The following RINT1 variants were observed in gnomAD, a reference collection of about 807,000 sequenced individuals.
RINT1 encodes RAD50-interacting protein 1.
Under a neutral mutation model 97.7 loss-of-function variants are expected in RINT1, and 75 were observed. The ratio of observed to expected loss-of-function variants is 0.77; its 90% CI spans 0.64 to 0.93. RINT1 has a LOEUF of 0.93. Among genes scored for constraint, RINT1 ranks in the 40% least tolerant of loss-of-function variants. RINT1 has a pLI of 0.00. For missense variants in RINT1, 892 were observed against 925.2 expected (o/e 0.96, Z 0.47); for synonymous variants, 303 against 326.3 (o/e 0.93, Z 0.77).
rs1315579586 is a variant in RINT1 at position 105,550,411 on chromosome 7, G to C, written c.1258G>C (p.Gly420Arg). ...GCTACACAGTGTTCATGGCTATCCTGGCACTTTTGCTAGTTGTATGCATAT... is the reference window on the plus strand; with the variant it reads ...GCTACACAGTGTTCATGGCTATCCTCGCACTTTTGCTAGTTGTATGCATAT... ...RELHSVHGYP[G>R]TFASCMHILS... The change falls in exon 9 of 15, where the codon GGC becomes CGC. Residue 420 changes from glycine (G) to arginine (R), a missense_variant. By Grantham distance (125) the Gly-to-Arg change is moderately radical. Coordinates refer to ENST00000257700, the MANE Select transcript of RINT1 (RefSeq NM_021930.6). The C allele has an allele frequency of 6.2e-7, 1 of 1,614,074 alleles. No individual in the cohort carries two copies. The highest frequency in any genetic ancestry group is 8.5e-7 in the Non-Finnish European group (1 of 1,180,002).
intron 3 of RINT1, among the ~76,000 whole-genome samples, chr7:105,537,741 C>T (rs1178405880): frequency 6.6e-6 from 1 of 151,438 alleles, no homozygotes; most frequent in Non-Finnish European, 1.5e-5. Flanking sequence ...GAGGCTGAGG[C>T]AGGAGAATCG....
chr7:105,548,229 G>A (rs1721497), intron 6 of RINT1, among the ~76,000 whole-genome samples: 148,596 of 152,150 alleles, frequency 0.98, 72,641 homozygotes, highest in East Asian at 1. Flanking sequence ...GGGTTTTGCC[G>A]TATTGCCTAG....
chr7:105,538,452 A>T (rs1006441859), intron 3 of RINT1, among the ~76,000 whole-genome samples: 7 of 152,164 alleles, frequency 4.6e-5, no homozygotes, highest in African/African-American at 1.7e-4. Context: ...CTTCAAGTTT[A>T]GCCTGGCTTT....
Position 105,550,421 on chromosome 7 carries a change from C to T in RINT1, c.1268C>T (p.Ala423Val), listed in dbSNP as rs2133402416. Residue 423 changes from alanine (A) to valine (V), a missense_variant, in exon 9 of 15, where the codon GCT (alanine) becomes GTT (valine). Transcript: ENST00000257700. Reference sequence around the variant, plus strand: ...GTTCATGGCTATCCTGGCACTTTTGCTAGTTGTATGCATATTCTATCAGAG... The same window carrying T: ...GTTCATGGCTATCCTGGCACTTTTGTTAGTTGTATGCATATTCTATCAGAG... ...HSVHGYPGTF[A>V]SCMHILSEET... The T allele has an allele frequency of 9.9e-6, 16 of 1,613,996 alleles. No individual in the cohort carries two copies. The highest frequency in any genetic ancestry group is 1.4e-5 in the Non-Finnish European group (16 of 1,179,996).
chr7:105,545,050 G>A (rs1790603231), intron 4 of RINT1, among the ~76,000 whole-genome samples: 1 of 151,848 alleles, frequency 6.6e-6, no homozygotes, highest in African/African-American at 2.4e-5. Context: ...GGATACTATA[G>A]TATAGCACTA....
intron 10 of RINT1, among the ~76,000 whole-genome samples, chr7:105,552,666 CT>C (rs386410906): frequency 4.4e-4 from 35 of 80,034 alleles, no homozygotes; most frequent in East Asian, 1.8e-3. Flanking sequence ...TAAATAATTC[CT>C]TTTTTTTTTT....
chr7:105,545,451 A>T lies in RINT1; in HGVS notation c.516-1459A>T, dbSNP rs1004661182. Among the ~76,000 whole-genome samples the T allele has an allele frequency of 2.0e-3, 248 of 125,412 alleles. 1 individual carries two copies. Among genetic ancestry groups the T allele is most frequent in the Non-Finnish European group, 2.3e-3 (148 of 63,210 alleles). 82.3% of individuals were successfully genotyped at this position (125,412 alleles called of 152,430 possible). A position where few individuals can be genotyped will look rare whatever the true frequency, so the allele number is the denominator to read the frequency against. On this transcript the variant is annotated intron_variant, in intron 4 of 14. Transcript: ENST00000257700. ...CTAGGTGACAGAGTGAGACTCTTTTAAAAAAAAAAAAAAGGCAGTACTCAT... is the reference window on the plus strand; with the variant it reads ...CTAGGTGACAGAGTGAGACTCTTTTTAAAAAAAAAAAAAGGCAGTACTCAT...
At chr7:105,541,043 T>C (rs190352167) in intron 3 of RINT1, among the ~76,000 whole-genome samples, 15 of 151,870 alleles carry the variant, frequency 9.9e-5, no homozygotes, top group African/African-American at 3.1e-4. Context: ...TTTTGCCATC[T>C]TGGCCAGGCT....
At position 105,532,842 on chromosome 7, in the gene RINT1, G is replaced by A. The variant is rs758536777; in HGVS notation, c.61G>A (p.Asp21Asn). 15 of 1,614,038 alleles carry A rather than the reference G, an allele frequency of 9.3e-6. No homozygotes were observed. The highest frequency in any genetic ancestry group is 1.2e-5 in the Non-Finnish European group (14 of 1,180,034). ...CTTCTAGTGCTGCTCTGAAAGTGGT[G>A]ACGAAAGGAAGAACCTCGAGGAGAA... ...PAAPCCSESG[D>N]ERKNLEEKSD... Residue 21 changes from aspartate to asparagine, a missense_variant, in exon 2 of 15, where the codon GAC becomes AAC. Physicochemically the swap from Asp to Asn is conservative, Grantham distance 23. Coordinates refer to ENST00000257700, the MANE Select transcript of RINT1 (RefSeq NM_021930.6).
rs183544087 is a variant in RINT1, at chr7:105,560,328, C to T, written c.1672-3405C>T. On this transcript the variant is annotated intron_variant, in intron 11 of 14. Coordinates refer to ENST00000257700, the MANE Select transcript of RINT1 (RefSeq NM_021930.6). ...TGGCACCAAAGGATAGGGCTGACAC[C>T]ACCTAAGTTGTCTCAGATTGGGGAA... is the stretch of plus-strand genomic sequence containing the variant. 1.8e-4 allele frequency among the ~76,000 whole-genome samples: 27 copies of T among 152,218 alleles called. 1 individual carries two copies. In the East Asian group the frequency reaches 4.4e-3, roughly 25 times the overall value.
At position 105,550,124 on chromosome 7, in the gene RINT1, C is replaced by A; in HGVS notation, c.1066C>A (p.Gln356Lys). The A allele has an allele frequency of 6.2e-7, 1 of 1,613,834 alleles. No homozygotes were observed. The highest frequency in any genetic ancestry group is 1.1e-5 in the South Asian group (1 of 91,038). Reference protein sequence around the residue: ...NHTEFLDEKIQPILDKVGSLV... With the variant: ...NHTEFLDEKIKPILDKVGSLV... ...TACTGAATTTCTGGATGAGAAGATTCAGCCAATATTAGACAAAGTAGGCTC... is the reference window on the plus strand; with the variant it reads ...TACTGAATTTCTGGATGAGAAGATTAAGCCAATATTAGACAAAGTAGGCTC... The change falls in exon 8 of 15, where the codon CAG becomes AAG. Residue 356 changes from glutamine to lysine, a missense_variant. Physicochemically the swap from Gln to Lys is moderately conservative, Grantham distance 53. Transcript: ENST00000257700.
chr7:105,542,139 G>C (rs538329179), intron 3 of RINT1: 65 of 293,426 alleles, frequency 2.2e-4, no homozygotes, highest in Middle Eastern at 1.0e-3. Context: ...ATACAGCCTG[G>C]GCAACATAGT....
In RINT1 at chr7:105,550,184, AG is replaced by A; in HGVS notation, c.1107+20del. 6.2e-7 allele frequency: 1 copy of A among 1,605,498 alleles called. No individual in the cohort carries two copies. Among genetic ancestry groups the A allele is most frequent in the Non-Finnish European group, 8.5e-7 (1 of 1,172,514 alleles). The stretch of plus-strand genomic sequence containing the variant: ...CGCAAGGGTAAGAGACTCAGTCATA[AG>A]TGTTTCTGTTTTAGAACTGTATGTG... On this transcript the variant is annotated intron_variant, in intron 8 of 14. Transcript: ENST00000257700.
At position 105,542,564 on chromosome 7, in the gene RINT1, G is replaced by C; in HGVS notation, c.430G>C (p.Asp144His). 2 of 1,614,102 alleles carry C rather than the reference G, an allele frequency of 1.2e-6. No homozygotes were observed. The highest frequency in any genetic ancestry group is 8.5e-7 in the Non-Finnish European group (1 of 1,180,022). ...HLLTAQPWMD[D>H]LGTMISQIEE... ...GCTGACTGCGCAACCTTGGATGGAC[G>C]ATCTTGGAACCATGATTAGCCAGAT... The change falls in exon 4 of 15, where the codon GAT becomes CAT. Residue 144 changes from aspartate (D) to histidine (H), a missense_variant. Coordinates refer to ENST00000257700, the MANE Select transcript of RINT1 (RefSeq NM_021930.6).
At chr7:105,558,497 ACAT>A (rs1368122693) in intron 11 of RINT1, among the ~76,000 whole-genome samples, 1 of 152,178 alleles carries the variant, frequency 6.6e-6, no homozygotes, top group Non-Finnish European at 1.5e-5. Flanking sequence ...TATTTGTAGA[ACAT>A]CATCAACTGC....
intron 2 of RINT1, among the ~76,000 whole-genome samples, chr7:105,535,971 A>AT (rs781362599): frequency 6.6e-6 from 1 of 152,020 alleles, no homozygotes; most frequent in Non-Finnish European, 1.5e-5. Context: ...CACTTTAGGA[A>AT]TTTTTCCTTT....
Position 105,567,274 on chromosome 7 carries a change from T to A in RINT1, c.2342T>A (p.Leu781His). 6.2e-7 allele frequency: 1 copy of A among 1,609,044 alleles called. No homozygotes were observed. The highest frequency in any genetic ancestry group is 8.5e-7 in the Non-Finnish European group (1 of 1,178,668). The change falls in exon 15 of 15, where the codon CTT becomes CAT. Residue 781 changes from leucine to histidine, a missense_variant. By Grantham distance (99) the Leu-to-His change is moderately conservative (BLOSUM62 -3). Coordinates refer to ENST00000257700, the MANE Select transcript of RINT1 (RefSeq NM_021930.6). Reference sequence around the variant, plus strand: ...GCTCAACAAGATGTTGAGATTCTACTTAATTTGAGGACAAATTGGCCTAAT... The same window carrying A: ...GCTCAACAAGATGTTGAGATTCTACATAATTTGAGGACAAATTGGCCTAAT... ...KLAQQDVEIL[L>H]NLRTNWPNTG...
chr7:105,532,881 C>A lies in RINT1; in HGVS notation c.88+12C>A. 6.2e-7 allele frequency: 1 copy of A among 1,613,824 alleles called. No individual in the cohort carries two copies. Among genetic ancestry groups the A allele is most frequent in the Non-Finnish European group, 8.5e-7 (1 of 1,179,704 alleles). Reference sequence around the variant, plus strand: ...CCTCGAGGAGAAAAGTAAGCCAGCTCCAAACACCTTAGCTTTTTCTTCCCG... The same window carrying A: ...CCTCGAGGAGAAAAGTAAGCCAGCTACAAACACCTTAGCTTTTTCTTCCCG... On this transcript the variant is annotated intron_variant, in intron 2 of 14. Transcript: ENST00000257700.
intron 11 of RINT1, among the ~76,000 whole-genome samples, chr7:105,558,172 G>A (rs954968807): frequency 6.6e-6 from 1 of 151,550 alleles, no homozygotes; most frequent in Admixed American, 6.6e-5. Flanking sequence ...AAAAATGCCT[G>A]TAATCCCAGC....
Sources: gnomAD v4.1 joint callset for allele counts (sites outside exome capture counted in the v4.1 genomes callset) on GRCh38, gnomAD v4.1.1 for gene constraint, MANE v1.5 for transcripts, NCBI Gene and HGNC (gene_info 2026-07-23, HGNC 2026-07-21) for gene names.